The following MAST4 variants were observed in gnomAD, a reference collection of about 807,000 sequenced individuals.
MAST4 encodes microtubule-associated serine/threonine-protein kinase 4.
A neutral mutation model predicts 162.7 loss-of-function variants in MAST4; 89 were observed. The observed-to-expected ratio is 0.55, with a 90% CI of 0.46 to 0.65. The LOEUF is 0.65. MAST4 is among the 30% of genes least tolerant of loss of function. The pLI is 0.00. For synonymous variants in MAST4, 1,479 were observed against 1,361.1 expected, an observed-to-expected ratio of 1.09 and a Z score of -1.91; for missense variants, 3,153 against 3,374.0, an observed-to-expected ratio of 0.93 and a Z score of 1.62.
intron 19 of MAST4, among the ~76,000 whole-genome samples, chr5:67,139,947 G>C (rs1401983033): frequency 6.6e-6 from 1 of 152,200 alleles, no homozygotes; most frequent in African/African-American, 2.4e-5. Flanking sequence ...CCTTGAGGAG[G>C]ACCCATTTGT....
intron 25 of MAST4, 42 bp from the exon 26 acceptor site, chr5:67,153,416 T>C (rs1389721873): frequency 1.9e-6 from 3 of 1,577,198 alleles, no homozygotes; most frequent in Admixed American, 3.6e-5. Context: ...GTTAGAGTAG[T>C]CATTTGTTTG....
At chr5:66,709,141 A>T (rs750789715) in intron 1 of MAST4, among the ~76,000 whole-genome samples, 6 of 152,152 alleles carry the variant, frequency 3.9e-5, no homozygotes, top group African/African-American at 1.2e-4. Context: ...TGTTGAAATT[A>T]TGAAATATTA....
At chr5:67,161,618 A>G (rs778398790) in intron 27 of MAST4, among the ~76,000 whole-genome samples, 2 of 152,216 alleles carry the variant, frequency 1.3e-5, no homozygotes, top group Non-Finnish European at 2.9e-5. Context: ...CAAATGGGAG[A>G]AGAAACAGGT....
At chr5:66,777,117 A>G (rs573987613) in intron 2 of MAST4, among the ~76,000 whole-genome samples, 1 of 152,074 alleles carries the variant, frequency 6.6e-6, no homozygotes, top group Admixed American at 6.5e-5. Flanking sequence ...TTTATCCGGG[A>G]CTCTCTAGCT....
At chr5:66,809,594 T>C (rs1187645029) in intron 3 of MAST4, among the ~76,000 whole-genome samples, 1 of 152,214 alleles carries the variant, frequency 6.6e-6, no homozygotes, top group Admixed American at 6.5e-5. Context: ...AGAAGTGATA[T>C]GTATACAATA....
chr5:66,846,723 A>G (rs968770580), intron 3 of MAST4, among the ~76,000 whole-genome samples: 7 of 152,228 alleles, frequency 4.6e-5, no homozygotes, highest in African/African-American at 1.7e-4. Context: ...AAAAATGAAT[A>G]AGGCCAGAAA....
chr5:67,127,141 G>A (rs536584215), intron 14 of MAST4, among the ~76,000 whole-genome samples: 5 of 152,158 alleles, frequency 3.3e-5, no homozygotes, highest in East Asian at 1.9e-4. Flanking sequence ...GGGCTGAGAC[G>A]ATGGGATTTT....
chr5:66,869,881 A>C (rs463769), intron 3 of MAST4, among the ~76,000 whole-genome samples: 131,352 of 151,722 alleles, frequency 0.87, 57,175 homozygotes, highest in Non-Finnish European at 0.92. Context: ...GCTTTCATCA[A>C]CCTTTCCCTG....
intron 5 of MAST4, among the ~76,000 whole-genome samples, chr5:67,083,553 T>C (rs1762898893): frequency 6.6e-6 from 1 of 152,100 alleles, no homozygotes; most frequent in Non-Finnish European, 1.5e-5. Context: ...TCCACCCTTC[T>C]TCTAGGAAAA....
intron 3 of MAST4, among the ~76,000 whole-genome samples, chr5:66,856,777 T>G (rs986154995): frequency 6.6e-6 from 1 of 152,256 alleles, no homozygotes; most frequent in East Asian, 1.9e-4. Context: ...TTTTATTAAA[T>G]TAGACTGTCC....
chr5:67,166,642 C>A lies in MAST4; in HGVS notation c.7463C>A (p.Ala2488Asp), dbSNP rs374925521. 3.1e-5 allele frequency: 49 copies of A among 1,600,588 alleles called. No individual in the cohort carries two copies. Among genetic ancestry groups the A allele is most frequent in the Non-Finnish European group, 4.0e-5 (47 of 1,173,834 alleles). The part of the protein sequence containing the change: ...ASSDTSSAKA[A>D]GGMLELPAPS... ...AGCGACACCTCTTCTGCCAAGGCCG[C>A]CGGGGGCATGCTGGAGCTTCCAGCC... Residue 2488 changes from alanine to aspartate, a missense_variant, in exon 29 of 29, where the codon GCC becomes GAC. Physicochemically the swap from Ala to Asp is moderately radical, Grantham distance 126 (BLOSUM62 -2). This residue lies in a region of MAST4 where 1,644 missense variants were observed against 1,495.0 expected (regional missense o/e 1.10). Coordinates refer to ENST00000403625, the MANE Select transcript of MAST4 (RefSeq NM_001164664.2).
At chr5:67,110,696 G>A (rs1331054933) in intron 11 of MAST4, among the ~76,000 whole-genome samples, 1 of 152,242 alleles carries the variant, frequency 6.6e-6, no homozygotes, top group Non-Finnish European at 1.5e-5. Flanking sequence ...CTGAAGGAAT[G>A]AGACTTTTAT....
At chr5:66,771,311 C>T (rs944956788) in intron 2 of MAST4, among the ~76,000 whole-genome samples, 1 of 151,796 alleles carries the variant, frequency 6.6e-6, no homozygotes, top group South Asian at 2.1e-4. Context: ...CAGCCTCCTG[C>T]GTAGCTGGGA....
chr5:67,075,747 G>C (rs1026504177), intron 5 of MAST4, among the ~76,000 whole-genome samples: 1 of 152,020 alleles, frequency 6.6e-6, no homozygotes, highest in Non-Finnish European at 1.5e-5. Flanking sequence ...ACTCCCTTAG[G>C]CATTATCTCA....
chr5:66,696,399 G>C (rs1265646782), intron 1 of MAST4, among the ~76,000 whole-genome samples: 1 of 151,672 alleles, frequency 6.6e-6, no homozygotes, highest in Non-Finnish European at 1.5e-5. Flanking sequence ...CTTGTCTTTA[G>C]GCTTTAGCAC....
intron 1 of MAST4, among the ~76,000 whole-genome samples, chr5:66,645,690 G>C (rs1279183782): frequency 6.6e-6 from 1 of 152,098 alleles, no homozygotes; most frequent in Non-Finnish European, 1.5e-5. Flanking sequence ...ATCACACATA[G>C]TATTTGTTTA....
intron 4 of MAST4, among the ~76,000 whole-genome samples, chr5:66,989,758 A>G (rs1054623798): frequency 3.9e-5 from 6 of 152,212 alleles, no homozygotes; most frequent in Admixed American, 1.3e-4. Flanking sequence ...AATATATAAA[A>G]TATGGTAGTT....
chr5:67,160,879 GT>G (rs1422943252), intron 27 of MAST4, among the ~76,000 whole-genome samples: 3 of 152,178 alleles, frequency 2.0e-5, no homozygotes, highest in Non-Finnish European at 4.4e-5. Context: ...CTTGATTTCA[GT>G]TGAGTTGGAT....
In MAST4 at chr5:66,782,351, A is replaced by C. The variant is rs533618012; in HGVS notation, c.518-6319A>C. Among the ~76,000 whole-genome samples the C allele has an allele frequency of 3.9e-5, 6 of 152,294 alleles. No individual in the cohort carries two copies. The East Asian group carries it at 1.2e-3, about 29-fold the overall frequency. On this transcript the variant is annotated intron_variant, in intron 2 of 28. Coordinates refer to ENST00000403625, the MANE Select transcript of MAST4 (RefSeq NM_001164664.2). Reference sequence around the variant, plus strand: ...GTCATATATAGCCTTGATAGAACCAAGGCATGATCTGGGTCTAGATTCAAT... The same window carrying C: ...GTCATATATAGCCTTGATAGAACCACGGCATGATCTGGGTCTAGATTCAAT...
Sources: allele counts gnomAD v4.1 joint callset (sites outside exome capture counted in the v4.1 genomes callset), GRCh38; gene constraint gnomAD v4.1.1; regional missense constraint gnomAD v4.1.1; transcripts MANE v1.5; gene names NCBI Gene and HGNC (gene_info 2026-07-23, HGNC 2026-07-21).